Variants in TBC1D30 observed in about 807,000 individuals in gnomAD.
TBC1D30 encodes TBC1 domain family member 30.
TBC1D30 carries 31 observed loss-of-function variants against 63.2 expected under a neutral mutation model. That is an observed-to-expected ratio of 0.49 (90% CI 0.37 to 0.66). The LOEUF is 0.66. Among genes scored for constraint, TBC1D30 ranks in the 30% least tolerant of loss-of-function variants. TBC1D30 has a pLI of 0.00. For synonymous variants in TBC1D30, 307 were observed against 361.5 expected (o/e 0.85, Z 1.71); for missense variants, 810 against 953.6 (o/e 0.85, Z 1.98).
At chr12:64,820,809 G>A (rs937495519), upstream of TBC1D30, among the ~76,000 whole-genome samples, 3 of 152,194 alleles carry the variant, frequency 2.0e-5, no homozygotes, top group East Asian at 1.9e-4. Flanking sequence ...TTGGGCCATC[G>A]CTGCTTTTAG....
At chr12:64,873,261 T>C (rs1878794089) in intron 11 of TBC1D30, among the ~76,000 whole-genome samples, 1 of 152,030 alleles carries the variant, frequency 6.6e-6, no homozygotes, top group Non-Finnish European at 1.5e-5. Context: ...GAAAGTTGTT[T>C]GGTGGGGATT....
At chr12:64,844,320 G>A (rs1358741959) in intron 8 of TBC1D30, among the ~76,000 whole-genome samples, 1 of 152,154 alleles carries the variant, frequency 6.6e-6, no homozygotes, top group Non-Finnish European at 1.5e-5. Flanking sequence ...GAAATTGACA[G>A]CAAGTATAGA....
chr12:64,842,210 C>A (rs923623212), intron 7 of TBC1D30, among the ~76,000 whole-genome samples: 2 of 151,882 alleles, frequency 1.3e-5, no homozygotes, highest in African/African-American at 2.4e-5. Context: ...ATACAAAAAA[C>A]CAGCAGGGTG....
intron 2 of TBC1D30, among the ~76,000 whole-genome samples, chr12:64,815,043 G>A (rs1216106940): frequency 1.3e-5 from 2 of 152,110 alleles, no homozygotes; most frequent in African/African-American, 4.8e-5. Context: ...AGACATGTAC[G>A]TTCCTTTTCA....
chr12:64,810,138 A>G (rs990234249), intron 2 of TBC1D30, among the ~76,000 whole-genome samples: 1 of 152,158 alleles, frequency 6.6e-6, no homozygotes, highest in Non-Finnish European at 1.5e-5. Flanking sequence ...AAGGCCTCGG[A>G]GAAATGAAAA....
At chr12:64,774,112 G>C (rs1464187566) in intron 1 of TBC1D30, among the ~76,000 whole-genome samples, 1 of 152,200 alleles carries the variant, frequency 6.6e-6, no homozygotes, top group Admixed American at 6.5e-5. Flanking sequence ...CAACCTGACA[G>C]AGCTGAAAAG....
chr12:64,864,599 C>G, intron 8 of TBC1D30, 69 bp from the exon 9 acceptor site: 1 of 1,087,652 alleles, frequency 9.2e-7, no homozygotes, highest in Non-Finnish European at 1.4e-6. Context: ...ACTTTAATGT[C>G]TTTCCAGGAT....
chr12:64,870,686 A>G lies in TBC1D30; in HGVS notation c.1376A>G (p.His459Arg), dbSNP rs994474018. 1.7e-5 allele frequency: 26 copies of G among 1,536,154 alleles called. No homozygotes were observed. The highest frequency in any genetic ancestry group is 2.2e-5 in the Non-Finnish European group (25 of 1,146,900). Residue 459 changes from histidine (H) to arginine (R), a missense_variant, in exon 11 of 12, where the codon CAT becomes CGT. This residue lies in a region of TBC1D30 where 450 missense variants were observed against 473.0 expected (regional missense o/e 0.95). Coordinates refer to ENST00000539867, the MANE Select transcript of TBC1D30 (RefSeq NM_015279.2). ...ATCAATTCCTGTCGAAGTGAATACC[A>G]TGCAGCTTTTAACAGTATGATGATG... ...GAINSCRSEYHAAFNSMMMER... is the reference protein window; with the variant it reads ...GAINSCRSEYRAAFNSMMMER...
rs553673472 is a variant in TBC1D30, at chr12:64,862,541, G to T, written c.1039-2127G>T. ...CCTGGGGCAGGGCAGGGTGCAGTAGGGGGAGGATGTACTTCCCTGTTCCTC... is the reference window on the plus strand; with the variant it reads ...CCTGGGGCAGGGCAGGGTGCAGTAGTGGGAGGATGTACTTCCCTGTTCCTC... On this transcript the variant is annotated intron_variant, in intron 8 of 11. Transcript: ENST00000539867. 5.8e-4 allele frequency among the ~76,000 whole-genome samples: 88 copies of T among 152,266 alleles called. 2 individuals carry two copies. The highest frequency in any genetic ancestry group is 1.9e-3 in the African/African-American group (81 of 41,540).
intron 8 of TBC1D30, among the ~76,000 whole-genome samples, chr12:64,854,843 T>TA (rs1877169288): frequency 6.6e-6 from 1 of 152,206 alleles, no homozygotes; most frequent in Admixed American, 6.5e-5. Flanking sequence ...ATACCACAAT[T>TA]ACAGTGTTAT....
At chr12:64,762,237 G>A (rs1870542955) in intron 1 of TBC1D30, among the ~76,000 whole-genome samples, 2 of 152,232 alleles carry the variant, frequency 1.3e-5, no homozygotes, top group South Asian at 4.1e-4. Flanking sequence ...AAAGAAGCCA[G>A]TGTGGTTAGA....
intron 9 of TBC1D30, among the ~76,000 whole-genome samples, chr12:64,866,529 C>T (rs1301228175): frequency 6.6e-6 from 1 of 152,040 alleles, no homozygotes; most frequent in Admixed American, 6.6e-5. Flanking sequence ...CCTCCGCCTC[C>T]CGGGTTCAAG....
At chr12:64,787,655 GCTTCT>G (rs1871673532) in intron 2 of TBC1D30, among the ~76,000 whole-genome samples, 1 of 152,008 alleles carries the variant, frequency 6.6e-6, no homozygotes, top group South Asian at 2.1e-4. Flanking sequence ...GTATTTTCTT[GCTTCT>G]CTTCTATTAT....
intron 5 of TBC1D30, among the ~76,000 whole-genome samples, chr12:64,835,866 A>C (rs189534956): frequency 2.0e-5 from 3 of 152,334 alleles, no homozygotes; most frequent in Admixed American, 2.0e-4. Context: ...AGGTAATACA[A>C]GTAGAAAAAT....
intron 5 of TBC1D30, among the ~76,000 whole-genome samples, chr12:64,833,476 G>A (rs1363193409): frequency 6.6e-6 from 1 of 152,150 alleles, no homozygotes; most frequent in Non-Finnish European, 1.5e-5. Context: ...TGATTGCAAT[G>A]CTTTGTGATG....
At chr12:64,858,141 A>C (rs1877469083) in intron 8 of TBC1D30, among the ~76,000 whole-genome samples, 2 of 152,192 alleles carry the variant, frequency 1.3e-5, no homozygotes, top group Non-Finnish European at 2.9e-5. Context: ...GTGTTGCAGC[A>C]GGGGGCATGA....
In TBC1D30 at chr12:64,864,655, T is replaced by C; in HGVS notation, c.1039-13T>C. ...ACTGTTTCAGACTTGGCATTTTTGC[T>C]TTTGTTTTACAGACTGTTTATTCCA... On this transcript the variant is annotated splice_polypyrimidine_tract_variant and intron_variant, in intron 8 of 11. Transcript: ENST00000539867. 3 of 1,531,030 alleles carry C rather than the reference T, an allele frequency of 2.0e-6. No homozygotes were observed. The highest frequency in any genetic ancestry group is 2.6e-6 in the Non-Finnish European group (3 of 1,142,044). The allele number at this position is 1,531,030 out of a possible 1,614,324, so 94.8% of individuals were successfully genotyped here.
chr12:64,797,448 A>G (rs1383986956), intron 2 of TBC1D30, among the ~76,000 whole-genome samples: 1 of 152,056 alleles, frequency 6.6e-6, no homozygotes, highest in African/African-American at 2.4e-5. Context: ...ACTCTTTGTC[A>G]TTTTCACCTT....
chr12:64,823,172 A>T (rs1873992121), upstream of TBC1D30, among the ~76,000 whole-genome samples: 1 of 152,110 alleles, frequency 6.6e-6, no homozygotes, highest in Admixed American at 6.5e-5. Context: ...GCTCCATTTG[A>T]TGTTAGCATA....
Sources: gnomAD v4.1 joint callset for allele counts (sites outside exome capture counted in the v4.1 genomes callset) on GRCh38, gnomAD v4.1.1 for gene constraint, gnomAD v4.1.1 regional missense constraint, MANE v1.5 for transcripts, NCBI Gene and HGNC (gene_info 2026-07-23, HGNC 2026-07-21) for gene names.